NID1: variants seen among roughly 807,000 people sequenced by gnomAD.
The protein encoded by NID1 is nidogen-1.
In NID1, 76 loss-of-function variants were observed where a neutral mutation model predicts 130.6. The ratio of observed to expected loss-of-function variants is 0.58; its 90% CI spans 0.48 to 0.70. NID1 has a LOEUF of 0.70. NID1 is among the 30% of genes least tolerant of loss of function. The probability of loss-of-function intolerance (pLI) is 0.00; values close to 1 mark genes in which losing one functional copy is unlikely to be tolerated. For missense variants in NID1, 1,517 were observed against 1,664.8 expected (o/e 0.91, Z 1.54); for synonymous variants, 665 against 675.1 (o/e 0.98, Z 0.23).
intron 12 of NID1, among the ~76,000 whole-genome samples, chr1:236,009,637 T>G (rs1261634110): frequency 6.6e-6 from 1 of 152,248 alleles, no homozygotes; most frequent in Non-Finnish European, 1.5e-5. Flanking sequence ...ACATATCCTT[T>G]TATAATTTCT....
chr1:236,061,881 T>G (rs973598138), intron 1 of NID1, among the ~76,000 whole-genome samples: 5 of 152,094 alleles, frequency 3.3e-5, no homozygotes, highest in Admixed American at 3.3e-4. Context: ...AACACAGCAC[T>G]TCACACCCAC....
intron 1 of NID1, 29 bp downstream of exon 1, chr1:236,064,826 C>A (rs1660146898): frequency 1.9e-6 from 3 of 1,591,270 alleles, no homozygotes; most frequent in Non-Finnish European, 2.6e-6. Flanking sequence ...CCCTGCAGCC[C>A]CTCGCCCGCC....
chr1:236,007,610 G>T (rs1223594343), intron 12 of NID1, among the ~76,000 whole-genome samples: 1 of 152,156 alleles, frequency 6.6e-6, no homozygotes, highest in African/African-American at 2.4e-5. Flanking sequence ...TTGACTTGCT[G>T]TGGAGGGGGC....
intron 5 of NID1, among the ~76,000 whole-genome samples, chr1:236,037,660 G>GGA: frequency 7.8e-6 from 1 of 127,996 alleles, no homozygotes; most frequent in South Asian, 2.4e-4. Context: ...TCTGTCTCAA[G>GGA]AAAAAAAAAA....
At chr1:236,014,698 T>C (rs1160144509) in intron 10 of NID1, among the ~76,000 whole-genome samples, 5 of 152,160 alleles carry the variant, frequency 3.3e-5, no homozygotes, top group African/African-American at 1.2e-4. Context: ...GCCTGGGCCC[T>C]GTTCTTCCCT....
intron 16 of NID1, among the ~76,000 whole-genome samples, chr1:235,981,116 A>G (rs1657424249): frequency 6.6e-6 from 1 of 152,186 alleles, no homozygotes; most frequent in Admixed American, 6.5e-5. Flanking sequence ...TGTGGTCTCA[A>G]AGGGAAGGAA....
chr1:236,002,982 A>T (rs1366457465), intron 12 of NID1, among the ~76,000 whole-genome samples: 1 of 152,110 alleles, frequency 6.6e-6, no homozygotes, highest in Non-Finnish European at 1.5e-5. Context: ...GGCTGAGTGC[A>T]AATCCTCCCT....
intron 9 of NID1, among the ~76,000 whole-genome samples, chr1:236,020,769 G>A (rs982747887): frequency 3.3e-5 from 5 of 152,190 alleles, no homozygotes; most frequent in African/African-American, 1.2e-4. Context: ...TTCAAGGCAT[G>A]TTCTAGTGAC....
intron 3 of NID1, among the ~76,000 whole-genome samples, chr1:236,043,370 G>A (rs965050434): frequency 8.5e-5 from 13 of 152,222 alleles, no homozygotes; most frequent in South Asian, 2.1e-4. Flanking sequence ...CTGCAGTAAC[G>A]CCAGTGCTAG....
chr1:235,978,907 T>A, intron 19 of NID1, 88 bp downstream of exon 19: 1 of 840,718 alleles, frequency 1.2e-6, no homozygotes. Context: ...TCAAGGCTAC[T>A]AGTGGCCATA....
rs1375888227 is a variant in NID1, at chr1:236,013,492, C to A, written c.2323G>T (p.Ala775Ser). 1.2e-6 allele frequency: 2 copies of A among 1,613,136 alleles called. No individual in the cohort carries two copies. Among genetic ancestry groups the A allele is most frequent in the African/African-American group, 1.3e-5 (1 of 74,604 alleles). Reference sequence around the variant, plus strand: ...GAGCCTCCTGTGTAGATACACTGGGCCCGCTGGGGTATGTCGCAGTTATGA... The same window carrying A: ...GAGCCTCCTGTGTAGATACACTGGGACCGCTGGGGTATGTCGCAGTTATGA... ...GLHNCDIPQR[A>S]QCIYTGGSSY... Residue 775 changes from alanine (A) to serine (S), a missense_variant, in exon 11 of 20, where the codon GCC becomes TCC. Physicochemically the swap from Ala to Ser is moderately conservative, Grantham distance 99. Around this residue, in one of 3 missense-constraint regions of NID1, gnomAD observed 1,329 missense variants for 1,429.2 expected, o/e 0.93. Coordinates refer to ENST00000264187, the MANE Select transcript of NID1 (RefSeq NM_002508.3).
At position 236,013,441 on chromosome 1, in the gene NID1, C is replaced by A; in HGVS notation, c.2374G>T (p.Gly792Cys). Residue 792 changes from glycine to cysteine, a missense_variant, in exon 11 of 20, where the codon GGC becomes TGC. Coordinates refer to ENST00000264187, the MANE Select transcript of NID1 (RefSeq NM_002508.3). Reference protein sequence around the residue: ...GSSYTCSCLPGFSGDGQACQD... With the variant: ...GSSYTCSCLPCFSGDGQACQD... ...CAGGCTTGGCCATCCCCAGAAAAGC[C>A]TGGCAAGCAGGAACAGGTGTAGGAG... 1 of 1,614,044 alleles carries A rather than the reference C, an allele frequency of 6.2e-7. No homozygotes were observed. Among genetic ancestry groups the A allele is most frequent in the Non-Finnish European group, 8.5e-7 (1 of 1,180,010 alleles).
At chr1:236,046,903 G>C (rs191145533) in intron 2 of NID1, among the ~76,000 whole-genome samples, 1 of 152,138 alleles carries the variant, frequency 6.6e-6, no homozygotes, top group South Asian at 2.1e-4. Context: ...TTTTTGGAGC[G>C]GGGGAAGGGA....
At chr1:236,058,976 T>C (rs1239376806) in intron 1 of NID1, among the ~76,000 whole-genome samples, 1 of 152,230 alleles carries the variant, frequency 6.6e-6, no homozygotes, top group Non-Finnish European at 1.5e-5. Flanking sequence ...TCACCTAATG[T>C]TGAGGTCCTT....
At chr1:236,032,274 G>T in intron 6 of NID1, 127 bp downstream of exon 6, 1 of 1,222,702 alleles carries the variant, frequency 8.2e-7, no homozygotes, top group Non-Finnish European at 1.1e-6. Context: ...CCTGTCTACA[G>T]ACAAAAAGGA....
intron 17 of NID1, 148 bp downstream of exon 17, chr1:235,980,347 TG>T (rs1657400318): frequency 1.3e-6 from 1 of 747,312 alleles, no homozygotes; most frequent in Admixed American, 3.0e-5. Context: ...ATATATTTAA[TG>T]TACCAGATAA....
intron 1 of NID1, among the ~76,000 whole-genome samples, chr1:236,059,352 G>A (rs1042391637): frequency 2.0e-5 from 3 of 152,150 alleles, no homozygotes; most frequent in Non-Finnish European, 2.9e-5. Context: ...AGGCAAGTCC[G>A]GGACACAATC....
chr1:236,029,120 T>C (rs181188173), intron 7 of NID1, among the ~76,000 whole-genome samples: 1 of 151,336 alleles, frequency 6.6e-6, no homozygotes, highest in East Asian at 1.9e-4. Flanking sequence ...GAGGTTGTAG[T>C]GAGCTGAGAT....
At chr1:236,018,983 A>T (rs1658678881) in intron 9 of NID1, among the ~76,000 whole-genome samples, 1 of 152,224 alleles carries the variant, frequency 6.6e-6, no homozygotes, top group African/African-American at 2.4e-5. Flanking sequence ...AGCATTCTTG[A>T]TCACATCAGC....
Sources: gnomAD v4.1 joint callset for allele counts (sites outside exome capture counted in the v4.1 genomes callset) on GRCh38, gnomAD v4.1.1 for gene constraint, gnomAD v4.1.1 regional missense constraint, MANE v1.5 for transcripts, NCBI Gene and HGNC (gene_info 2026-07-23, HGNC 2026-07-21) for gene names.